UCHL5: variants seen among roughly 807,000 people sequenced by gnomAD.
The protein encoded by UCHL5 is ubiquitin C-terminal hydrolase L5, also known as ubiquitin carboxyl-terminal hydrolase isozyme L5.
Under a neutral mutation model 53.8 loss-of-function variants are expected in UCHL5, and 34 were observed. The ratio of observed to expected loss-of-function variants is 0.63; its 90% CI spans 0.48 to 0.84. The LOEUF is 0.84. UCHL5 is among the 40% of genes least tolerant of loss of function. The pLI is 0.00. For missense variants in UCHL5, 290 were observed against 385.6 expected (o/e 0.75, Z 2.08); for synonymous variants, 111 against 126.3 (o/e 0.88, Z 0.81).
At chr1:193,026,596 A>G (rs981704791) in intron 7 of UCHL5, among the ~76,000 whole-genome samples, 1 of 152,240 alleles carries the variant, frequency 6.6e-6, no homozygotes, top group African/African-American at 2.4e-5. Context: ...TGGTAACACC[A>G]AATGCTAAAA....
chr1:193,047,707 T>C (rs1356098538), intron 3 of UCHL5, among the ~76,000 whole-genome samples: 1 of 152,150 alleles, frequency 6.6e-6, no homozygotes, highest in African/African-American at 2.4e-5. Context: ...TCTCTAAGAA[T>C]CCCTAAGACC....
chr1:193,047,217 T>C (rs934134116), intron 3 of UCHL5, among the ~76,000 whole-genome samples: 9 of 152,162 alleles, frequency 5.9e-5, no homozygotes, highest in Non-Finnish European at 1.0e-4. Flanking sequence ...ATTATATATG[T>C]AGTATCTAAA....
intron 3 of UCHL5, among the ~76,000 whole-genome samples, chr1:193,030,530 C>T (rs943912708): frequency 5.3e-5 from 8 of 152,122 alleles, no homozygotes; most frequent in Non-Finnish European, 1.2e-4. Flanking sequence ...TTCCACACTG[C>T]CTAAGCACCT....
chr1:193,047,235 CTAGCAAAG>C (rs968495536), intron 3 of UCHL5, among the ~76,000 whole-genome samples: 1 of 152,004 alleles, frequency 6.6e-6, no homozygotes, highest in Non-Finnish European at 1.5e-5. Context: ...AAAACAATGC[CTAGCAAAG>C]TAGGTGCTCA....
At chr1:193,039,090 T>C (rs1192938258) in intron 3 of UCHL5, among the ~76,000 whole-genome samples, 1 of 152,132 alleles carries the variant, frequency 6.6e-6, no homozygotes, top group Non-Finnish European at 1.5e-5. Context: ...AAAAATCCTA[T>C]TTAAAAGAGC....
intron 3 of UCHL5, among the ~76,000 whole-genome samples, chr1:193,047,985 G>A (rs1667880939): frequency 3.0e-5 from 2 of 65,810 alleles, no homozygotes; most frequent in South Asian, 1.0e-3. Context: ...TTTGACCTTG[G>A]AGTACAAGTC....
intron 3 of UCHL5, among the ~76,000 whole-genome samples, chr1:193,049,047 G>A (rs747846746): frequency 6.6e-5 from 10 of 151,842 alleles, no homozygotes; most frequent in Non-Finnish European, 1.2e-4. Flanking sequence ...CCACCACCAC[G>A]CCCAGCTAAT....
chr1:193,029,475 A>G (rs1020242082), intron 4 of UCHL5, 26 bp from the exon 5 acceptor site: 14 of 1,613,200 alleles, frequency 8.7e-6, no homozygotes, highest in Non-Finnish European at 1.1e-5. Flanking sequence ...AAAGTAGCCT[A>G]TTAATATACA....
At chr1:193,020,436 C>A (rs1297397837) in intron 10 of UCHL5, 5 of 1,544,344 alleles carry the variant, frequency 3.2e-6, no homozygotes, top group Admixed American at 2.0e-5. Context: ...ATTAAAGAAT[C>A]CTTCCCCTAT....
At chr1:193,036,657 CA>C (rs886267244) in intron 3 of UCHL5, among the ~76,000 whole-genome samples, 34 of 152,096 alleles carry the variant, frequency 2.2e-4, no homozygotes, top group Non-Finnish European at 4.3e-4. Flanking sequence ...ACATTTCACC[CA>C]ACTGCTGCAA....
intron 7 of UCHL5, among the ~76,000 whole-genome samples, chr1:193,024,480 C>T (rs1002516815): frequency 1.3e-5 from 2 of 150,950 alleles, no homozygotes; most frequent in Non-Finnish European, 3.0e-5. Context: ...ATTATTTAGA[C>T]TGGCATCTTG....
Position 193,022,833 on chromosome 1 carries a change from G to A in UCHL5, c.843+93C>T, listed in dbSNP as rs181081247. The A allele has an allele frequency of 1.9e-4, 156 of 801,966 alleles. No individual in the cohort carries two copies. In the East Asian group the frequency reaches 3.8e-3, roughly 20 times the overall value. The allele number at this position is 801,966 out of a possible 1,614,324, so 49.7% of individuals were successfully genotyped here. On this transcript the variant is annotated intron_variant, in intron 9 of 10. Coordinates refer to ENST00000367454, the MANE Select transcript of UCHL5 (RefSeq NM_001199261.3). ...ATTATTTGAAATCTGGTAAATGATA[G>A]GAGGGAAAGCCATCAGATATTCAAT... is the stretch of plus-strand genomic sequence containing the variant.
intron 3 of UCHL5, among the ~76,000 whole-genome samples, chr1:193,043,163 A>AAAAAAAAAAAAAAC (rs1267868668): frequency 6.8e-6 from 1 of 147,794 alleles, no homozygotes; most frequent in Non-Finnish European, 1.5e-5. Context: ...AAAAAAAAAA[A>AAAAAAAAAAAAAAC]AAAAAAAAAA....
chr1:193,020,554 T>C, intron 10 of UCHL5: 2 of 1,240,720 alleles, frequency 1.6e-6, no homozygotes, highest in Non-Finnish European at 2.1e-6. Flanking sequence ...ACAATTTAAC[T>C]GCATTTTACT....
intron 1 of UCHL5, among the ~76,000 whole-genome samples, chr1:193,056,950 A>T (rs1398968040): frequency 1.3e-5 from 2 of 152,266 alleles, no homozygotes; most frequent in Non-Finnish European, 2.9e-5. Context: ...GCATGTACAG[A>T]AGATGAATTT....
Position 193,012,502 on chromosome 1 carries a change from A to G in UCHL5, c.*3849T>C, listed in dbSNP as rs901995294. The G allele has an allele frequency of 5.9e-5, 9 of 152,174 alleles. No individual in the cohort carries two copies. The highest frequency in any genetic ancestry group is 8.8e-5 in the Non-Finnish European group (6 of 68,028). The allele number at this position is 152,174 out of a possible 1,614,324, so 9.4% of individuals were successfully genotyped here. ...GCACATTGGTTCTGCCTATATGCCTATATGCAATCCACTTGTACAGTGTTA... is the reference window on the plus strand; with the variant it reads ...GCACATTGGTTCTGCCTATATGCCTGTATGCAATCCACTTGTACAGTGTTA... On this transcript the variant is annotated 3_prime_UTR_variant, in exon 11 of 11. Coordinates refer to ENST00000367454, the MANE Select transcript of UCHL5 (RefSeq NM_001199261.3).
In UCHL5 at chr1:193,059,096, G is replaced by A; in HGVS notation, c.76+89C>T. ...TCCTGAAGTCACCTCTCCAGACGCG[G>A]GGCGGCGGTGGCCGCAGGGAACCAC... On this transcript the variant is annotated intron_variant, in intron 1 of 10. Coordinates refer to ENST00000367454, the MANE Select transcript of UCHL5 (RefSeq NM_001199261.3). The surrounding 1 kb of genome is among the most constrained non-coding windows in gnomAD (Gnocchi z 4.9). The A allele has an allele frequency of 7.4e-7, 1 of 1,359,814 alleles. No homozygotes were observed. The highest frequency in any genetic ancestry group is 9.8e-7 in the Non-Finnish European group (1 of 1,020,332). 84.2% of individuals were successfully genotyped at this position (1,359,814 alleles called of 1,614,324 possible). A position where few individuals can be genotyped will look rare whatever the true frequency, so the allele number is the denominator to read the frequency against.
At chr1:193,019,740 G>A in intron 10 of UCHL5, 1 of 467,926 alleles carries the variant, frequency 2.1e-6, no homozygotes, top group Non-Finnish European at 2.8e-6. Context: ...TGGGGATATA[G>A]TGTAATTAAA....
Position 193,059,304 on chromosome 1 carries a change from T to A in UCHL5, c.-44A>T. ...CCCCGATCCACCTCTCGCTCTCAGC[T>A]GCCCCCCGCACCAGCTGCCGCCGGC... On this transcript the variant is annotated 5_prime_UTR_variant, in exon 1 of 11. Transcript: ENST00000367454. The surrounding 1 kb of genome is among the most constrained non-coding windows in gnomAD (Gnocchi z 4.9). 1 of 1,610,442 alleles carries A rather than the reference T, an allele frequency of 6.2e-7. No individual in the cohort carries two copies. Among genetic ancestry groups the A allele is most frequent in the Non-Finnish European group, 8.5e-7 (1 of 1,178,530 alleles).
Sources: gnomAD v4.1 joint callset for allele counts (sites outside exome capture counted in the v4.1 genomes callset) on GRCh38, gnomAD v4.1.1 for gene constraint, Gnocchi (gnomAD v3.1) non-coding constraint, MANE v1.5 for transcripts, NCBI Gene and HGNC (gene_info 2026-07-23, HGNC 2026-07-21) for gene names.